The following SCAPER variants were observed in gnomAD, a reference collection of about 807,000 sequenced individuals.
SCAPER encodes S-phase cyclin A associated protein in the ER.
In SCAPER, 98 loss-of-function variants were observed where a neutral mutation model predicts 182.2. The observed-to-expected ratio is 0.54, with a 90% CI of 0.46 to 0.64. SCAPER has a LOEUF of 0.64. Ranked by LOEUF, SCAPER falls within the 30% of genes least tolerant of loss-of-function variation. The pLI is 0.00. For missense variants in SCAPER, 1,432 were observed against 1,690.0 expected, an observed-to-expected ratio of 0.85 and a Z score of 2.68; for synonymous variants, 605 against 564.6, an observed-to-expected ratio of 1.07 and a Z score of -1.01.
intron 20 of SCAPER, among the ~76,000 whole-genome samples, chr15:76,699,694 G>A (rs955304731): frequency 2.0e-5 from 3 of 152,166 alleles, no homozygotes; most frequent in African/African-American, 4.8e-5. Context: ...CACTTGCTGC[G>A]CTGGAGTGGC....
At chr15:76,617,104 C>T (rs909382080) in intron 22 of SCAPER, among the ~76,000 whole-genome samples, 1 of 151,958 alleles carries the variant, frequency 6.6e-6, no homozygotes, top group African/African-American at 2.4e-5. Flanking sequence ...GTAAATATTT[C>T]CACCCCTCTT....
intron 21 of SCAPER, among the ~76,000 whole-genome samples, chr15:76,633,069 G>A (rs893501117): frequency 3.3e-5 from 5 of 152,158 alleles, no homozygotes; most frequent in South Asian, 2.1e-4. Context: ...GTAAGCCACC[G>A]TGCCCAGCCT....
At chr15:76,738,368 TC>T (rs1428210326) in intron 15 of SCAPER, among the ~76,000 whole-genome samples, 4 of 152,120 alleles carry the variant, frequency 2.6e-5, no homozygotes, top group African/African-American at 9.7e-5. Context: ...TGACAAGCCT[TC>T]CTCAATAAGC....
chr15:76,434,759 T>C lies in SCAPER; in HGVS notation c.3079-449A>G, dbSNP rs28365832. On this transcript the variant is annotated intron_variant, in intron 25 of 31. Transcript: ENST00000563290. ...CTGAATTCCTCTATCAGGATGAAAT[T>C]TGCATTTCCTACTACAAAATGGCAA... is the stretch of plus-strand genomic sequence containing the variant. Among the ~76,000 whole-genome samples the C allele has an allele frequency of 4.6e-5, 7 of 152,188 alleles. No individual in the cohort carries two copies. In the East Asian group the frequency reaches 1.3e-3, roughly 29 times the overall value.
At chr15:76,714,580 G>C (rs914550734) in intron 17 of SCAPER, among the ~76,000 whole-genome samples, 3 of 152,004 alleles carry the variant, frequency 2.0e-5, no homozygotes, top group Non-Finnish European at 4.4e-5. Flanking sequence ...AGTAGTAGTA[G>C]TGATTTGGAG....
chr15:76,594,095 T>C lies in SCAPER; in HGVS notation c.2712-19811A>G, dbSNP rs1185640699. Among the ~76,000 whole-genome samples the C allele has an allele frequency of 2.5e-5, 3 of 119,482 alleles. 1 individual carries two copies. The highest frequency in any genetic ancestry group is 7.6e-5 in the African/African-American group (3 of 39,234). 78.4% of individuals were successfully genotyped at this position (119,482 alleles called of 152,430 possible). A position where few individuals can be genotyped will look rare whatever the true frequency, so the allele number is the denominator to read the frequency against. On this transcript the variant is annotated intron_variant, in intron 22 of 31. Coordinates refer to ENST00000563290, the MANE Select transcript of SCAPER (RefSeq NM_020843.4). ...GAACCTTGAAAAAAGGTTAGAGGAA[T>C]TGCTAACTAGAATAACCAGTTTAGA...
chr15:76,762,634 T>C (rs1209513236), intron 14 of SCAPER, among the ~76,000 whole-genome samples: 1 of 152,136 alleles, frequency 6.6e-6, no homozygotes, highest in African/African-American at 2.4e-5. Context: ...AATACCTTTT[T>C]GTCTTTTAAG....
At position 76,386,791 on chromosome 15, in the gene SCAPER, G is replaced by C. The variant is rs75628202; in HGVS notation, c.3468-5176C>G. Among the ~76,000 whole-genome samples the C allele has an allele frequency of 2.1e-3, 326 of 152,302 alleles. 13 individuals are homozygous for C. The East Asian group carries it at 0.045, about 21-fold the overall frequency. ...GCTAGAGCGGGTTGAGTAAGTGGAA[G>C]AGTAATAGGACATGAGGTCAGGGAG... On this transcript the variant is annotated intron_variant, in intron 27 of 31. Coordinates refer to ENST00000563290, the MANE Select transcript of SCAPER (RefSeq NM_020843.4).
intron 15 of SCAPER, among the ~76,000 whole-genome samples, chr15:76,746,508 T>C (rs912620476): frequency 1.3e-5 from 2 of 152,250 alleles, no homozygotes; most frequent in African/African-American, 4.8e-5. Context: ...AACAATATAC[T>C]ATAGGTTCTA....
intron 21 of SCAPER, among the ~76,000 whole-genome samples, chr15:76,647,419 T>C (rs1442592218): frequency 6.6e-6 from 1 of 152,200 alleles, no homozygotes; most frequent in Non-Finnish European, 1.5e-5. Context: ...AGCACAGGAC[T>C]GGAATCCCTC....
intron 20 of SCAPER, among the ~76,000 whole-genome samples, chr15:76,672,939 A>G (rs2057126206): frequency 1.3e-5 from 2 of 152,148 alleles, no homozygotes; most frequent in African/African-American, 4.8e-5. Context: ...TCTGAGCCTT[A>G]AATAAAAAGA....
At chr15:76,464,373 T>G (rs1430540196) in intron 25 of SCAPER, among the ~76,000 whole-genome samples, 1 of 152,120 alleles carries the variant, frequency 6.6e-6, no homozygotes, top group Non-Finnish European at 1.5e-5. Flanking sequence ...ATTCCATTGT[T>G]TGTACAGTTG....
At chr15:76,864,159 T>G (rs1269195146) in intron 2 of SCAPER, among the ~76,000 whole-genome samples, 1 of 152,202 alleles carries the variant, frequency 6.6e-6, no homozygotes, top group African/African-American at 2.4e-5. Flanking sequence ...TGGATCTATT[T>G]CTATACAGAT....
intron 2 of SCAPER, among the ~76,000 whole-genome samples, chr15:76,873,478 G>A (rs540178845): frequency 6.6e-6 from 1 of 152,142 alleles, no homozygotes; most frequent in Non-Finnish European, 1.5e-5. Context: ...TATATATAGT[G>A]ATACTTTTAG....
chr15:76,895,867 C>G (rs1160862832), intron 1 of SCAPER, among the ~76,000 whole-genome samples: 2 of 151,840 alleles, frequency 1.3e-5, no homozygotes, highest in Non-Finnish European at 2.9e-5. Flanking sequence ...AGTGAAACCC[C>G]ATCTCTACTA....
intron 20 of SCAPER, among the ~76,000 whole-genome samples, chr15:76,691,441 A>C (rs1286473646): frequency 6.6e-6 from 1 of 152,122 alleles, no homozygotes; most frequent in Non-Finnish European, 1.5e-5. Flanking sequence ...ATCAAAATTC[A>C]AACGGTTATT....
chr15:76,466,665 A>G (rs540871277), intron 25 of SCAPER, among the ~76,000 whole-genome samples: 7 of 151,246 alleles, frequency 4.6e-5, no homozygotes, highest in African/African-American at 1.7e-4. Flanking sequence ...TGCACTTGAC[A>G]AAAAAAGCCA....
At chr15:76,675,705 G>T (rs1200538313) in intron 20 of SCAPER, among the ~76,000 whole-genome samples, 1 of 152,142 alleles carries the variant, frequency 6.6e-6, no homozygotes, top group Non-Finnish European at 1.5e-5. Context: ...ATACTAACTT[G>T]TAGGTTCTGA....
chr15:76,818,947 C>A (rs1598906987), intron 5 of SCAPER, among the ~76,000 whole-genome samples: 1 of 152,396 alleles, frequency 6.6e-6, no homozygotes, highest in East Asian at 1.9e-4. Context: ...ATATCCCGCA[C>A]ATGGCTCGGA....
Sources: gnomAD v4.1 joint callset for allele counts (sites outside exome capture counted in the v4.1 genomes callset) on GRCh38, gnomAD v4.1.1 for gene constraint, MANE v1.5 for transcripts, NCBI Gene and HGNC (gene_info 2026-07-23, HGNC 2026-07-21) for gene names.